Variants in ROBO2 observed in about 807,000 individuals in gnomAD.
ROBO2 encodes roundabout homolog 2.
Under a neutral mutation model 160.8 loss-of-function variants are expected in ROBO2, and 53 were observed. The observed-to-expected ratio is 0.33, with a 90% CI of 0.26 to 0.41. ROBO2 has a LOEUF of 0.41. ROBO2 is among the 10% of genes least tolerant of loss of function. The pLI is 1.00. For missense variants in ROBO2, 1,577 were observed against 1,722.4 expected (o/e 0.92, Z 1.49); for synonymous variants, 664 against 611.7 (o/e 1.09, Z -1.26).
intron 2 of ROBO2, among the ~76,000 whole-genome samples, chr3:76,162,542 G>T (rs1384561717): frequency 6.6e-6 from 1 of 152,058 alleles, no homozygotes; most frequent in Admixed American, 6.6e-5. Context: ...CCAACTCTTT[G>T]CCATGAGCAA....
intron 2 of ROBO2, among the ~76,000 whole-genome samples, chr3:76,038,623 A>G (rs2067188357): frequency 6.6e-6 from 1 of 151,916 alleles, no homozygotes; most frequent in Admixed American, 6.6e-5. Flanking sequence ...CATCCGGCCC[A>G]CTTTCTCTCC....
intron 2 of ROBO2, among the ~76,000 whole-genome samples, chr3:76,457,816 C>T (rs574054959): frequency 2.0e-5 from 3 of 152,284 alleles, no homozygotes; most frequent in Non-Finnish European, 4.4e-5. Flanking sequence ...ATGGAAGTTG[C>T]CAAGGCTTGG....
At position 76,878,516 on chromosome 3, in the gene ROBO2, A is replaced by AT. The variant is rs1310455542; in HGVS notation, c.110-219496dup. ...AAAATAAATGAAATATGATCTGATC[A>AT]TTGTTTTATATTCAAAAACATCCAG... On this transcript the variant is annotated intron_variant, in intron 2 of 26. Coordinates refer to the ROBO2 transcript ENST00000487694. Among the ~76,000 whole-genome samples, 9 of 152,210 alleles carry AT rather than the reference A, an allele frequency of 5.9e-5. 1 individual carries two copies. Among genetic ancestry groups the AT allele is most frequent in the Non-Finnish European group, 1.2e-4 (8 of 68,022 alleles).
chr3:76,759,286 G>A (rs17748393), intron 2 of ROBO2, among the ~76,000 whole-genome samples: 25,314 of 151,564 alleles, frequency 0.17, 2,474 homozygotes, highest in Non-Finnish European at 0.22. Flanking sequence ...CACTAAAATC[G>A]AATCAATTAT....
At chr3:77,129,511 G>A (rs897764526) in intron 2 of ROBO2, among the ~76,000 whole-genome samples, 21 of 152,274 alleles carry the variant, frequency 1.4e-4, no homozygotes, top group East Asian at 7.7e-4. Flanking sequence ...TTGTGGAAGC[G>A]TTTTTCCCTG....
intron 2 of ROBO2, among the ~76,000 whole-genome samples, chr3:76,826,966 A>G (rs965552724): frequency 6.6e-6 from 1 of 152,206 alleles, no homozygotes; most frequent in African/African-American, 2.4e-5. Flanking sequence ...CTGTTTGTTT[A>G]AATACACTCA....
At chr3:76,711,194 A>G (rs2093285758) in intron 2 of ROBO2, among the ~76,000 whole-genome samples, 1 of 152,228 alleles carries the variant, frequency 6.6e-6, no homozygotes, top group Admixed American at 6.5e-5. Flanking sequence ...AACAGGGAAC[A>G]TGACTAGGAA....
chr3:77,631,832 A>C (rs905499973), intron 23 of ROBO2: 8 of 152,104 alleles, frequency 5.3e-5, no homozygotes, highest in African/African-American at 1.2e-4. Context: ...GGAGTTCTTA[A>C]ATAACTTAAA....
intron 2 of ROBO2, among the ~76,000 whole-genome samples, chr3:76,555,455 A>AG (rs2083730172): frequency 1.3e-5 from 2 of 149,492 alleles, no homozygotes; most frequent in Non-Finnish European, 3.0e-5. Context: ...GAAGAGGAAG[A>AG]GGAAGAGGGA....
At chr3:77,323,953 T>A (rs2065087269) in intron 2 of ROBO2, among the ~76,000 whole-genome samples, 1 of 152,188 alleles carries the variant, frequency 6.6e-6, no homozygotes, top group Non-Finnish European at 1.5e-5. Context: ...ATGTGTAATT[T>A]CAAGAAAATT....
intron 6 of ROBO2, among the ~76,000 whole-genome samples, chr3:77,526,602 A>T (rs1247007084): frequency 6.6e-6 from 1 of 151,610 alleles, no homozygotes; most frequent in Non-Finnish European, 1.5e-5. Flanking sequence ...AAAAAGGATT[A>T]TGAAGCCCAT....
intron 2 of ROBO2, among the ~76,000 whole-genome samples, chr3:75,987,461 T>C (rs1576390233): frequency 6.6e-6 from 1 of 151,776 alleles, no homozygotes; most frequent in Non-Finnish European, 1.5e-5. Context: ...GTGTGATCTT[T>C]AGAGTTTTCT....
intron 2 of ROBO2, among the ~76,000 whole-genome samples, chr3:76,275,540 C>T (rs1707869778): frequency 6.6e-6 from 1 of 152,086 alleles, no homozygotes; most frequent in Non-Finnish European, 1.5e-5. Flanking sequence ...TTCTAATACA[C>T]AGAATGAGAA....
At chr3:77,439,970 T>G (rs889490769) in intron 2 of ROBO2, among the ~76,000 whole-genome samples, 3 of 152,152 alleles carry the variant, frequency 2.0e-5, no homozygotes, top group African/African-American at 7.2e-5. Context: ...ATTGAATGAA[T>G]GATGTAGCAA....
chr3:76,498,437 C>T (rs11127546), intron 2 of ROBO2, among the ~76,000 whole-genome samples: 46,655 of 151,692 alleles, frequency 0.31, 7,622 homozygotes, highest in East Asian at 0.37. Flanking sequence ...AAATCACTAA[C>T]GGAGTAGATT....
At chr3:77,632,773 G>A (rs1170196273) in intron 23 of ROBO2, 19 of 893,610 alleles carry the variant, frequency 2.1e-5, no homozygotes, top group Non-Finnish European at 2.6e-5. Flanking sequence ...TCTTTAATAC[G>A]CATGAATACA....
At chr3:75,956,467 T>C (rs1293644169) in intron 2 of ROBO2, among the ~76,000 whole-genome samples, 1 of 151,772 alleles carries the variant, frequency 6.6e-6, no homozygotes, top group African/African-American at 2.4e-5. Context: ...TGGTTTCCAG[T>C]GAGTCATTTT....
intron 2 of ROBO2, among the ~76,000 whole-genome samples, chr3:76,149,668 A>C (rs2072076513): frequency 7.7e-6 from 1 of 129,944 alleles, no homozygotes; most frequent in Non-Finnish European, 1.8e-5. Context: ...CATCTGTCTA[A>C]AACACACATC....
chr3:77,644,792 T>C (rs1559794857), exon 25 of ROBO2: 1 of 1,614,112 alleles, frequency 6.2e-7, no homozygotes, highest in Non-Finnish European at 8.5e-7. Context: ...AGGGATCCAC[T>C]GGACCTAGGA....
Sources: gnomAD v4.1 joint callset for allele counts (sites outside exome capture counted in the v4.1 genomes callset) on GRCh38, gnomAD v4.1.1 for gene constraint, MANE v1.5 for transcripts, NCBI Gene and HGNC (gene_info 2026-07-23, HGNC 2026-07-21) for gene names.